The following BMPR1A variants were observed in gnomAD, a reference collection of about 807,000 sequenced individuals.
The protein encoded by BMPR1A is bone morphogenetic protein receptor type 1A.
In BMPR1A, 7 loss-of-function variants were observed where a neutral mutation model predicts 66.0. The ratio of observed to expected loss-of-function variants is 0.11; its 90% CI spans 0.06 to 0.20. The LOEUF is 0.20. Ranked by LOEUF, BMPR1A falls within the 10% of genes least tolerant of loss-of-function variation. BMPR1A has a pLI of 1.00. For missense variants in BMPR1A, 408 were observed against 669.1 expected (o/e 0.61, Z 4.31); for synonymous variants, 200 against 229.7 (o/e 0.87, Z 1.17).
At chr10:86,893,246 A>C (rs2133415663) in intron 5 of BMPR1A, among the ~76,000 whole-genome samples, 1 of 152,314 alleles carries the variant, frequency 6.6e-6, no homozygotes, top group South Asian at 2.1e-4. Context: ...AGTTGAAAAA[A>C]AAATGTTAAG....
In BMPR1A at chr10:86,818,502, C is replaced by T. The variant is rs74153411; in HGVS notation, c.-267-20363C>T. ...GAAGAGGCTTTCAGATTGCTTTTGT[C>T]TCAGGATTTTTTGCTTTAAAATTTA... On this transcript the variant is annotated intron_variant, in intron 1 of 12. Transcript: ENST00000372037. Among the ~76,000 whole-genome samples, 1,326 of 152,194 alleles carry T rather than the reference C, an allele frequency of 8.7e-3. 23 individuals carry two copies. Among genetic ancestry groups the T allele is most frequent in the African/African-American group, 0.029 (1,212 of 41,504 alleles).
chr10:86,885,269 A>G (rs576008066), intron 3 of BMPR1A, among the ~76,000 whole-genome samples: 13 of 152,376 alleles, frequency 8.5e-5, no homozygotes, highest in Middle Eastern at 3.4e-3. Flanking sequence ...CATGAAAATT[A>G]TATGGAATTC....
downstream of BMPR1A, chr10:86,929,218 T>C (rs1342452550): frequency 6.6e-6 from 1 of 152,184 alleles, no homozygotes; most frequent in East Asian, 1.9e-4. Flanking sequence ...AAAAGATCCT[T>C]TAAGATGGAA....
chr10:86,763,524 A>G (rs1841108109), intron 1 of BMPR1A, among the ~76,000 whole-genome samples: 1 of 152,206 alleles, frequency 6.6e-6, no homozygotes, highest in African/African-American at 2.4e-5. Context: ...AGCTGCCGAA[A>G]TTGAAGGTCA....
rs1843325304 is a variant in BMPR1A at position 86,902,401 on chromosome 10, G to A, written c.530+2275G>A. ...TTTTTTCATGCTGCGTTACCTCAGA[G>A]CTACCTACACTTTTCACTGTGGTGT... On this transcript the variant is annotated intron_variant, in intron 7 of 12. Coordinates refer to ENST00000372037, the MANE Select transcript of BMPR1A (RefSeq NM_004329.3). Among the ~76,000 whole-genome samples the A allele has an allele frequency of 4.0e-5, 6 of 151,456 alleles. No homozygotes were observed. The South Asian group carries it at 1.3e-3, about 32-fold the overall frequency.
intron 1 of BMPR1A, among the ~76,000 whole-genome samples, chr10:86,814,325 C>T (rs1842006901): frequency 6.6e-6 from 1 of 152,028 alleles, no homozygotes; most frequent in Admixed American, 6.6e-5. Flanking sequence ...TCTTGGATTA[C>T]AGTTTTTAGT....
intron 1 of BMPR1A, among the ~76,000 whole-genome samples, chr10:86,774,168 G>T (rs1841310434): frequency 6.6e-6 from 1 of 152,018 alleles, no homozygotes; most frequent in African/African-American, 2.4e-5. Flanking sequence ...ATCTTTAAAT[G>T]AATTGTCCCC....
Position 86,840,304 on chromosome 10 carries a change from A to G in BMPR1A, c.-153+1325A>G, listed in dbSNP as rs1842408443. On this transcript the variant is annotated intron_variant, in intron 2 of 12. Transcript: ENST00000372037. The stretch of plus-strand genomic sequence containing the variant: ...CCTGCCCCTGCCAAACCGCTGGATT[A>G]GATCTTCTAAAAAATAACGTAACTC... Among the ~76,000 whole-genome samples, 3 of 152,220 alleles carry G rather than the reference A, an allele frequency of 2.0e-5. No homozygotes were observed. In the South Asian group the frequency reaches 6.2e-4, roughly 32 times the overall value.
intron 1 of BMPR1A, among the ~76,000 whole-genome samples, chr10:86,835,743 G>A (rs138725081): frequency 0.01 from 1,581 of 152,084 alleles, 22 homozygotes; most frequent in Non-Finnish European, 0.014. Context: ...GATTCTGCAT[G>A]GGTAGTGAGC....
chr10:86,827,351 C>T (rs1350762403), intron 1 of BMPR1A, among the ~76,000 whole-genome samples: 2 of 151,776 alleles, frequency 1.3e-5, no homozygotes, highest in African/African-American at 2.4e-5. Flanking sequence ...CATTGTTAGC[C>T]GAAGTTCATT....
chr10:86,791,491 C>T (rs1278920993), intron 1 of BMPR1A, among the ~76,000 whole-genome samples: 3 of 151,946 alleles, frequency 2.0e-5, no homozygotes, highest in Non-Finnish European at 4.4e-5. Flanking sequence ...GGATTACAGG[C>T]GTGAGCCACC....
At chr10:86,921,281 G>C (rs1337792387) in intron 10 of BMPR1A, among the ~76,000 whole-genome samples, 3 of 152,136 alleles carry the variant, frequency 2.0e-5, no homozygotes, top group Non-Finnish European at 4.4e-5. Flanking sequence ...ATCGGACTTA[G>C]TGTTTTGCTG....
At chr10:86,874,247 C>A (rs1687000365) in intron 2 of BMPR1A, among the ~76,000 whole-genome samples, 1 of 152,168 alleles carries the variant, frequency 6.6e-6, no homozygotes, top group Non-Finnish European at 1.5e-5. Context: ...TTTAAAAGTT[C>A]ACTGTCTATA....
In BMPR1A at chr10:86,926,136, T is replaced by C. The variant is rs569208416; in HGVS notation, c.*2417T>C. 1.0e-4 allele frequency: 17 copies of C among 169,894 alleles called. No homozygotes were observed. The South Asian group carries it at 3.4e-3, about 34-fold the overall frequency. The allele number at this position is 169,894 out of a possible 1,614,324, so 10.5% of individuals were successfully genotyped here. ...TTAACTTGGTCTAGTAAAAGTGATA[T>C]CAAGAGTTAATCTTAGAAACTTGCT... On this transcript the variant is annotated 3_prime_UTR_variant, in exon 13 of 13. Coordinates refer to ENST00000372037, the MANE Select transcript of BMPR1A (RefSeq NM_004329.3).
At chr10:86,900,333 G>A (rs367786574) in intron 7 of BMPR1A, among the ~76,000 whole-genome samples, 1 of 151,864 alleles carries the variant, frequency 6.6e-6, no homozygotes, top group African/African-American at 2.4e-5. Context: ...GTATGTTCAT[G>A]ATTACTTATG....
At chr10:86,761,446 T>C (rs751588237) in intron 1 of BMPR1A, among the ~76,000 whole-genome samples, 6 of 152,204 alleles carry the variant, frequency 3.9e-5, no homozygotes, top group Non-Finnish European at 8.8e-5. Flanking sequence ...GAGATAGGGA[T>C]AAAATATTAT....
chr10:86,920,472 T>C (rs1434181329), intron 10 of BMPR1A, among the ~76,000 whole-genome samples: 1 of 152,228 alleles, frequency 6.6e-6, no homozygotes, highest in African/African-American at 2.4e-5. Flanking sequence ...TGCTTTACAT[T>C]TCAGAATTCA....
In BMPR1A at chr10:86,846,679, C is replaced by T. The variant is rs118081954; in HGVS notation, c.-153+7700C>T. On this transcript the variant is annotated intron_variant, in intron 2 of 12. Coordinates refer to ENST00000372037, the MANE Select transcript of BMPR1A (RefSeq NM_004329.3). ...TTGCGCCACTGCACTTCAGCCTGGGCGACGAAGCAAGACTCTGTCCCCCGC... is the reference window on the plus strand; with the variant it reads ...TTGCGCCACTGCACTTCAGCCTGGGTGACGAAGCAAGACTCTGTCCCCCGC... Among the ~76,000 whole-genome samples the T allele has an allele frequency of 9.7e-4, 147 of 152,070 alleles. 2 individuals carry two copies. In the East Asian group the frequency reaches 0.021, roughly 22 times the overall value.
At position 86,793,279 on chromosome 10, in the gene BMPR1A, A is replaced by G. The variant is rs1202242023; in HGVS notation, c.-268+36360A>G. On this transcript the variant is annotated intron_variant, in intron 1 of 12. Transcript: ENST00000372037. ...GAATATCATTAAGCAGTAAGATCACATTGAGTTGTATAGGGAAGGGTACCT... is the reference window on the plus strand; with the variant it reads ...GAATATCATTAAGCAGTAAGATCACGTTGAGTTGTATAGGGAAGGGTACCT... Among the ~76,000 whole-genome samples the G allele has an allele frequency of 7.9e-5, 12 of 151,978 alleles. 1 individual carries two copies. The East Asian group carries it at 2.3e-3, about 29-fold the overall frequency.
Sources: allele counts gnomAD v4.1 joint callset (sites outside exome capture counted in the v4.1 genomes callset), GRCh38; gene constraint gnomAD v4.1.1; transcripts MANE v1.5; gene names NCBI Gene and HGNC (gene_info 2026-07-23, HGNC 2026-07-21).